GNGT2: variants seen among roughly 807,000 people sequenced by gnomAD.
GNGT2 encodes G protein subunit gamma transducin 2.
A neutral mutation model predicts 3.5 loss-of-function variants in GNGT2; 4 were observed. That is an observed-to-expected ratio of 1.13 (90% CI 0.56 to 2.59). The LOEUF is 2.59. GNGT2 is among the 30% of genes most tolerant of loss of function. The probability of loss-of-function intolerance (pLI) is 0.02; values close to 1 mark genes in which losing one functional copy is unlikely to be tolerated. For missense variants in GNGT2, 64 were observed against 81.2 expected, an observed-to-expected ratio of 0.79 and a Z score of 0.82; for synonymous variants, 31 against 29.5, an observed-to-expected ratio of 1.05 and a Z score of -0.17.
Position 49,210,477 on chromosome 17 carries a change from G to A in GNGT2, c.-166C>T, listed in dbSNP as rs2043152105. 4.9e-6 allele frequency: 2 copies of A among 406,824 alleles called. No homozygotes were observed. The highest frequency in any genetic ancestry group is 4.0e-5 in the Admixed American group (1 of 25,306). The allele number at this position is 406,824 out of a possible 1,614,324, so 25.2% of individuals were successfully genotyped here. ...CCTCTGCTGGGTGGGATTGGGGGCT[G>A]GGCCCCCAAATGGGCCCCTGGCTTC... On this transcript the variant is annotated 5_prime_UTR_variant, in exon 1 of 4. Coordinates refer to ENST00000507680, the MANE Select transcript of GNGT2 (RefSeq NM_001198754.2). The surrounding 1 kb of genome is among the most constrained non-coding windows in gnomAD (Gnocchi z 4.2).
chr17:49,207,728 A>G (rs1445035731), intron 2 of GNGT2, among the ~76,000 whole-genome samples: 1 of 152,200 alleles, frequency 6.6e-6, no homozygotes, highest in Non-Finnish European at 1.5e-5. Flanking sequence ...CTGTCTGTCT[A>G]CAGAGGAAAC....
In GNGT2 at chr17:49,206,760, G is replaced by A; in HGVS notation, c.207C>T (p.Ser69=). The A allele has an allele frequency of 6.2e-7, 1 of 1,613,180 alleles. No individual in the cohort carries two copies. Among genetic ancestry groups the A allele is most frequent in the Non-Finnish European group, 8.5e-7 (1 of 1,179,608 alleles). ...CTCAGGGCAGGGCTCCATGCCATCA[G>A]CTTATCAGACAGCCACCTTTCTCCT... ...PFKEKGGCLI[S] Residue 69 remains serine, a synonymous_variant, in exon 4 of 4, where the codon AGC becomes AGT. Transcript: ENST00000507680.
In GNGT2 at chr17:49,206,649, A is replaced by G. The variant is rs1475510041; in HGVS notation, c.*108T>C. 2.2e-5 allele frequency: 22 copies of G among 990,230 alleles called. No individual in the cohort carries two copies. In the Admixed American group the frequency reaches 5.2e-4, roughly 23 times the overall value. 61.3% of individuals were successfully genotyped at this position (990,230 alleles called of 1,614,324 possible). On this transcript the variant is annotated 3_prime_UTR_variant, in exon 4 of 4. Transcript: ENST00000507680. ...ACAATGCATTTGTTCAGGGATCTTT[A>G]CTCATTCTGTGATGAAGAGAAGGTG... is the stretch of plus-strand genomic sequence containing the variant.
rs2043112759 is a variant in GNGT2 at position 49,207,020 on chromosome 17, G to A, written c.85-138C>T. The A allele has an allele frequency of 7.8e-6, 7 of 893,430 alleles. No individual in the cohort carries two copies. The Admixed American group carries it at 1.3e-4, about 17-fold the overall frequency. The allele number at this position is 893,430 out of a possible 1,614,324, so 55.3% of individuals were successfully genotyped here. ...AGAAAGACACAGAGGACAGACAGGT[G>A]TTCGGGGGTGTGAGTTCCTTGATCT... On this transcript the variant is annotated intron_variant, in intron 3 of 3. Transcript: ENST00000507680.
Position 49,207,336 on chromosome 17 carries a change from C to T in GNGT2, c.84+3G>A, listed in dbSNP as rs372122712. The T allele has an allele frequency of 2.5e-6, 4 of 1,605,436 alleles. No homozygotes were observed. Among genetic ancestry groups the T allele is most frequent in the African/African-American group, 1.3e-5 (1 of 74,858 alleles). On this transcript the variant is annotated splice_donor_region_variant and intron_variant, in intron 3 of 3. Transcript: ENST00000507680. ...AGAGCAGGGACGGGGCGAGGAGGCTCACCGGAATTCTTGTGTTTTTCACTT... is the reference window on the plus strand; with the variant it reads ...AGAGCAGGGACGGGGCGAGGAGGCTTACCGGAATTCTTGTGTTTTTCACTT...
chr17:49,206,913 TTGTTACTGTCTC>T, intron 3 of GNGT2, 31 bp from the exon 4 acceptor site: 2 of 1,613,650 alleles, frequency 1.2e-6, no homozygotes, highest in Non-Finnish European at 8.5e-7. Flanking sequence ...TTTTAGGTCC[TTGTTACTGTCTC>T]TGGGTCCATG....
rs1160218853 is a variant in GNGT2, at chr17:49,210,386, A to C, written c.-133+58T>G. On this transcript the variant is annotated intron_variant, in intron 1 of 3. Coordinates refer to ENST00000507680, the MANE Select transcript of GNGT2 (RefSeq NM_001198754.2). The surrounding 1 kb of genome is among the most constrained non-coding windows in gnomAD (Gnocchi z 4.2). ...CCCTTCCTCCCCAGTCTCCGACCCC[A>C]TCCCCCAGCCGACCAGTTTCCTCTC... 1.1e-5 allele frequency: 2 copies of C among 175,144 alleles called. No individual in the cohort carries two copies. Among genetic ancestry groups the C allele is most frequent in the Non-Finnish European group, 1.1e-5 (1 of 88,012 alleles). 10.8% of individuals were successfully genotyped at this position (175,144 alleles called of 1,614,324 possible). A position where few individuals can be genotyped will look rare whatever the true frequency, so the allele number is the denominator to read the frequency against.
At position 49,207,257 on chromosome 17, in the gene GNGT2, C is replaced by T. The variant is rs2043114786; in HGVS notation, c.84+82G>A. 31 of 1,023,038 alleles carry T rather than the reference C, an allele frequency of 3.0e-5. No individual in the cohort carries two copies. In the South Asian group the frequency reaches 3.8e-4, roughly 13 times the overall value. 63.4% of individuals were successfully genotyped at this position (1,023,038 alleles called of 1,614,324 possible). ...CTTCTGCAGCCCTGGAACAGTCCCA[C>T]CACCCTTTCTGGTCACTTCCTCCTT... On this transcript the variant is annotated intron_variant, in intron 3 of 3. Transcript: ENST00000507680.
rs2143490621 is a variant in GNGT2, at chr17:49,206,773, C to A, written c.194G>T (p.Gly65Val). Residue 65 changes from glycine to valine, a missense_variant, in exon 4 of 4, where the codon GGC (glycine) becomes GTC (valine). Physicochemically the swap from Gly to Val is moderately radical, Grantham distance 109 (BLOSUM62 -3). Coordinates refer to ENST00000507680, the MANE Select transcript of GNGT2 (RefSeq NM_001198754.2). ...EDKNPFKEKG[G>V]CLIS The stretch of plus-strand genomic sequence containing the variant: ...TCCATGCCATCAGCTTATCAGACAG[C>A]CACCTTTCTCCTTGAAGGGATTCTT... The A allele has an allele frequency of 6.2e-7, 1 of 1,613,316 alleles. No individual in the cohort carries two copies. Among genetic ancestry groups the A allele is most frequent in the South Asian group, 1.1e-5 (1 of 90,968 alleles).
intron 2 of GNGT2, among the ~76,000 whole-genome samples, chr17:49,208,322 G>A (rs187134329): frequency 5.9e-5 from 9 of 151,958 alleles, no homozygotes; most frequent in South Asian, 2.1e-4. Flanking sequence ...TTAGGCAGGC[G>A]TGGTGGCGGG....
intron 2 of GNGT2, among the ~76,000 whole-genome samples, chr17:49,208,289 C>T (rs2143494933): frequency 6.6e-6 from 1 of 152,062 alleles, no homozygotes; most frequent in African/African-American, 2.4e-5. Flanking sequence ...GGTGAAACCC[C>T]ATCTCTACTA....
chr17:49,209,769 C>T (rs1408225431), intron 1 of GNGT2, among the ~76,000 whole-genome samples: 2 of 152,196 alleles, frequency 1.3e-5, no homozygotes, highest in African/African-American at 4.8e-5. Flanking sequence ...TTCCGTGCTC[C>T]AGGACCCAGT....
chr17:49,209,562 C>T (rs2043139602), intron 1 of GNGT2, among the ~76,000 whole-genome samples: 1 of 152,180 alleles, frequency 6.6e-6, no homozygotes, highest in Non-Finnish European at 1.5e-5. Context: ...CCCCCCAGGA[C>T]CACCCAAGGG....
intron 1 of GNGT2, among the ~76,000 whole-genome samples, chr17:49,209,901 C>G (rs1793983377): frequency 6.6e-6 from 1 of 152,180 alleles, no homozygotes; most frequent in African/African-American, 2.4e-5. Flanking sequence ...GCTCAGTGCT[C>G]TGTCCACCGC....
At position 49,210,127 on chromosome 17, in the gene GNGT2, TC is replaced by T. The variant is rs36109854; in HGVS notation, c.-133+316del. 6.6e-6 allele frequency: 1 copy of T among 152,662 alleles called. No individual in the cohort carries two copies. Among genetic ancestry groups the T allele is most frequent in the Non-Finnish European group, 1.5e-5 (1 of 68,382 alleles). 9.5% of individuals were successfully genotyped at this position (152,662 alleles called of 1,614,324 possible). ...TCTGGCAACCTCTCTGGTCATGTCTTCCCGGTGTCCAACCCTGACCCCTCTT... is the reference window on the plus strand; with the variant it reads ...TCTGGCAACCTCTCTGGTCATGTCTTCCGGTGTCCAACCCTGACCCCTCTT... On this transcript the variant is annotated intron_variant, in intron 1 of 3. Transcript: ENST00000507680. This position sits in a 1 kb window ranked among gnomAD's most constrained non-coding sequence, Gnocchi z 4.2.
intron 1 of GNGT2, among the ~76,000 whole-genome samples, chr17:49,209,576 T>C (rs2043139769): frequency 6.6e-6 from 1 of 152,152 alleles, no homozygotes; most frequent in Non-Finnish European, 1.5e-5. Context: ...CCAAGGGCTA[T>C]GCCATTTAAC....
chr17:49,208,627 A>G (rs1435829478), intron 2 of GNGT2, among the ~76,000 whole-genome samples: 1 of 152,110 alleles, frequency 6.6e-6, no homozygotes, highest in Non-Finnish European at 1.5e-5. Context: ...AAAAAAACCT[A>G]CCACATGCAA....
intron 2 of GNGT2, 24 bp from the exon 3 acceptor site, chr17:49,207,468 A>T (rs774984506): frequency 2.3e-6 from 3 of 1,294,146 alleles, no homozygotes; most frequent in Non-Finnish European, 3.4e-6. Flanking sequence ...AGCAGCCAGG[A>T]TCATAAATCT....
Position 49,207,548 on chromosome 17 carries a change from C to A in GNGT2, c.-22-104G>T. 3 of 719,310 alleles carry A rather than the reference C, an allele frequency of 4.2e-6. No individual in the cohort carries two copies. In the Admixed American group the frequency reaches 5.9e-5, roughly 14 times the overall value. The allele number at this position is 719,310 out of a possible 1,614,324, so 44.6% of individuals were successfully genotyped here. A position where few individuals can be genotyped will look rare whatever the true frequency, so the allele number is the denominator to read the frequency against. On this transcript the variant is annotated intron_variant, in intron 2 of 3. Coordinates refer to ENST00000507680, the MANE Select transcript of GNGT2 (RefSeq NM_001198754.2). ...TCCCTGCCATATCCCTCAGTTCAGG[C>A]CCCTCATCATTCAACAGATATTCAC...
Sources: gnomAD v4.1 joint callset for allele counts (sites outside exome capture counted in the v4.1 genomes callset) on GRCh38, gnomAD v4.1.1 for gene constraint, Gnocchi (gnomAD v3.1) non-coding constraint, MANE v1.5 for transcripts, NCBI Gene and HGNC (gene_info 2026-07-23, HGNC 2026-07-21) for gene names.